Variants in NDFIP2 observed in about 807,000 individuals in gnomAD.
The protein encoded by NDFIP2 is Nedd4 family interacting protein 2.
A neutral mutation model predicts 36.0 loss-of-function variants in NDFIP2; 19 were observed. The ratio of observed to expected loss-of-function variants is 0.53; its 90% CI spans 0.37 to 0.77. The LOEUF (loss-of-function observed/expected upper bound fraction) is 0.77, where lower values mean the gene tolerates loss of function less well. Among genes scored for constraint, NDFIP2 ranks in the 30% least tolerant of loss-of-function variants. NDFIP2 has a pLI of 0.00. For missense variants in NDFIP2, 446 were observed against 435.8 expected, an observed-to-expected ratio of 1.02 and a Z score of -0.21; for synonymous variants, 181 against 167.7, an observed-to-expected ratio of 1.08 and a Z score of -0.61.
intron 1 of NDFIP2, among the ~76,000 whole-genome samples, chr13:79,489,822 G>A (rs1873156466): frequency 6.6e-6 from 1 of 152,104 alleles, no homozygotes; most frequent in African/African-American, 2.4e-5. Flanking sequence ...ATTTTATGCT[G>A]GATTTCATAG....
At chr13:79,483,349 T>A (rs1331758387) in intron 1 of NDFIP2, among the ~76,000 whole-genome samples, 1 of 152,162 alleles carries the variant, frequency 6.6e-6, no homozygotes, top group African/African-American at 2.4e-5. Context: ...GTATAACTCT[T>A]GGTTTTGTTT....
intron 1 of NDFIP2, among the ~76,000 whole-genome samples, chr13:79,513,654 G>A (rs1874160022): frequency 6.6e-6 from 1 of 152,004 alleles, no homozygotes; most frequent in Admixed American, 6.5e-5. Context: ...AAGAAAGTGT[G>A]AGAAGGTGTC....
At chr13:79,493,844 T>C (rs529558545) in intron 1 of NDFIP2, among the ~76,000 whole-genome samples, 8 of 152,156 alleles carry the variant, frequency 5.3e-5, no homozygotes, top group East Asian at 3.9e-4. Flanking sequence ...TAATCTTTCA[T>C]TGGGCTGGAT....
chr13:79,491,817 C>T (rs114035346), intron 1 of NDFIP2, among the ~76,000 whole-genome samples: 343 of 152,196 alleles, frequency 2.3e-3, no homozygotes, highest in African/African-American at 7.0e-3. Flanking sequence ...TCTCTGTTTT[C>T]GGGCCATGTT....
chr13:79,510,086 A>C (rs1594847221), intron 1 of NDFIP2, among the ~76,000 whole-genome samples: 1 of 152,218 alleles, frequency 6.6e-6, no homozygotes, highest in East Asian at 1.9e-4. Flanking sequence ...ACAGGAGTCC[A>C]TTCAGATGGT....
intron 4 of NDFIP2, 67 bp downstream of exon 4, chr13:79,539,842 A>G: frequency 7.6e-7 from 1 of 1,319,268 alleles, no homozygotes; most frequent in Non-Finnish European, 1.1e-6. Flanking sequence ...TTAAAGTAAC[A>G]TAGTGAAGAG....
At chr13:79,496,839 T>C (rs886232394) in intron 1 of NDFIP2, among the ~76,000 whole-genome samples, 1 of 151,786 alleles carries the variant, frequency 6.6e-6, no homozygotes, top group Non-Finnish European at 1.5e-5. Flanking sequence ...ATTTCATATT[T>C]ATTATTTTTC....
intron 3 of NDFIP2, among the ~76,000 whole-genome samples, chr13:79,535,101 A>G (rs895978741): frequency 2.0e-5 from 3 of 152,204 alleles, no homozygotes; most frequent in African/African-American, 7.2e-5. Flanking sequence ...GGATAGATCT[A>G]AATAGGGTAT....
At chr13:79,508,834 A>G (rs1451949703) in intron 1 of NDFIP2, among the ~76,000 whole-genome samples, 1 of 152,220 alleles carries the variant, frequency 6.6e-6, no homozygotes, top group Non-Finnish European at 1.5e-5. Context: ...CTCTGACAGT[A>G]GGAATTACCA....
chr13:79,500,497 CT>C lies in NDFIP2; in HGVS notation c.321+18974del, dbSNP rs942668353. 3.0e-4 allele frequency among the ~76,000 whole-genome samples: 46 copies of C among 151,918 alleles called. 1 individual carries two copies. The highest frequency in any genetic ancestry group is 1.0e-3 in the African/African-American group (43 of 41,474). On this transcript the variant is annotated intron_variant, in intron 1 of 7. Transcript: ENST00000218652. ...TACAAAGAATTCTCAAACTACAACC[CT>C]ATTAAACAGGACAAAAACCTTAAGA...
chr13:79,521,823 CTT>C (rs577691451), intron 2 of NDFIP2, among the ~76,000 whole-genome samples: 4 of 130,462 alleles, frequency 3.1e-5, no homozygotes, highest in Non-Finnish European at 4.9e-5. Flanking sequence ...TTTCGTTTTG[CTT>C]TTTTTTTTTT....
chr13:79,509,904 C>T (rs1000210317), intron 1 of NDFIP2, among the ~76,000 whole-genome samples: 1 of 152,140 alleles, frequency 6.6e-6, no homozygotes, highest in African/African-American at 2.4e-5. Context: ...TTTCTGCCTG[C>T]TTTATATTCT....
chr13:79,512,631 A>G (rs749984921), intron 1 of NDFIP2, among the ~76,000 whole-genome samples: 1 of 152,200 alleles, frequency 6.6e-6, no homozygotes, highest in Non-Finnish European at 1.5e-5. Flanking sequence ...CATTTGTGGA[A>G]AGGTATATTG....
intron 1 of NDFIP2, among the ~76,000 whole-genome samples, chr13:79,494,493 C>T (rs1873362215): frequency 6.6e-6 from 1 of 151,664 alleles, no homozygotes; most frequent in Non-Finnish European, 1.5e-5. Context: ...GGTGACTTTC[C>T]AAAACTTACT....
At chr13:79,509,136 A>G (rs1873978600) in intron 1 of NDFIP2, among the ~76,000 whole-genome samples, 1 of 152,196 alleles carries the variant, frequency 6.6e-6, no homozygotes, top group Non-Finnish European at 1.5e-5. Context: ...AAGACATGCC[A>G]GTGACACAGC....
Position 79,543,640 on chromosome 13 carries a change from C to T in NDFIP2, c.798C>T (p.Cys266=), listed in dbSNP as rs747929792. 18 of 1,613,752 alleles carry T rather than the reference C, an allele frequency of 1.1e-5. No homozygotes were observed. Among genetic ancestry groups the T allele is most frequent in the East Asian group, 8.9e-5 (4 of 44,844 alleles). ...NTIAGRYGAI[C]GFGLSLIKWI... ...TAGCTGGAAGGTATGGTGCTATCTG[C>T]GGATTTGGCCTTTCCTTGATCAAAT... The change falls in exon 5 of 8, where the codon TGC becomes TGT. Residue 266 remains cysteine (C), a synonymous_variant. Transcript: ENST00000218652.
At chr13:79,517,784 A>G (rs1316263526) in intron 1 of NDFIP2, among the ~76,000 whole-genome samples, 2 of 152,190 alleles carry the variant, frequency 1.3e-5, no homozygotes, top group Non-Finnish European at 2.9e-5. Flanking sequence ...TAGTTATTTG[A>G]GTAAATTTTG....
Position 79,548,210 on chromosome 13 carries a change from G to T in NDFIP2, c.841-118G>T. On this transcript the variant is annotated intron_variant, in intron 5 of 7. Transcript: ENST00000218652. ...CATTAAGTGTTTTTATTTTTCCTTT[G>T]TGCCATTTTTAAGTGTTAAAGATTA... 5 of 767,290 alleles carry T rather than the reference G, an allele frequency of 6.5e-6. No homozygotes were observed. The South Asian group carries it at 8.6e-5, about 13-fold the overall frequency. 47.5% of individuals were successfully genotyped at this position (767,290 alleles called of 1,614,324 possible). A position where few individuals can be genotyped will look rare whatever the true frequency, so the allele number is the denominator to read the frequency against.
At chr13:79,529,185 A>T (rs1387873265) in intron 2 of NDFIP2, among the ~76,000 whole-genome samples, 1 of 152,204 alleles carries the variant, frequency 6.6e-6, no homozygotes, top group Non-Finnish European at 1.5e-5. Context: ...TAAGAGGAGG[A>T]TTTGGAGCTG....
Sources: allele counts gnomAD v4.1 joint callset (sites outside exome capture counted in the v4.1 genomes callset), GRCh38; gene constraint gnomAD v4.1.1; transcripts MANE v1.5; gene names NCBI Gene and HGNC (gene_info 2026-07-23, HGNC 2026-07-21).